ZMYM4: variants seen among roughly 807,000 people sequenced by gnomAD.
The protein encoded by ZMYM4 is zinc finger MYM-type containing 4, also known as zinc finger MYM-type protein 4.
A neutral mutation model predicts 183.2 loss-of-function variants in ZMYM4; 31 were observed. The observed-to-expected ratio is 0.17, with a 90% CI of 0.13 to 0.23. ZMYM4 has a LOEUF of 0.23. Among genes scored for constraint, ZMYM4 ranks in the 10% least tolerant of loss-of-function variants. The pLI, the probability that ZMYM4 is intolerant of heterozygous loss-of-function variation, is 1.00. For synonymous variants in ZMYM4, 592 were observed against 631.2 expected (o/e 0.94, Z 0.93); for missense variants, 1,273 against 1,840.3 (o/e 0.69, Z 5.64).
intron 2 of ZMYM4, among the ~76,000 whole-genome samples, chr1:35,341,987 C>T (rs1438350054): frequency 6.6e-6 from 1 of 152,086 alleles, no homozygotes; most frequent in Non-Finnish European, 1.5e-5. Flanking sequence ...GTTATAGCTT[C>T]ATTAAATTTT....
At chr1:35,382,447 G>A (rs561224047) in intron 9 of ZMYM4, among the ~76,000 whole-genome samples, 1 of 150,828 alleles carries the variant, frequency 6.6e-6, no homozygotes, top group East Asian at 1.9e-4. Flanking sequence ...CAAGTTTTTA[G>A]AGTGTGGCTT....
intron 1 of ZMYM4, among the ~76,000 whole-genome samples, chr1:35,291,393 G>A (rs1218665283): frequency 6.6e-6 from 1 of 151,706 alleles, no homozygotes; most frequent in Admixed American, 6.6e-5. Context: ...TTTCTTAAGT[G>A]TTTTTCAAAG....
chr1:35,315,114 G>A (rs1641987642), intron 1 of ZMYM4, among the ~76,000 whole-genome samples: 1 of 149,022 alleles, frequency 6.7e-6, no homozygotes. Flanking sequence ...TCAGTAATGG[G>A]CTCTATTCTC....
At chr1:35,370,749 T>A in intron 7 of ZMYM4, 122 bp downstream of exon 7, 1 of 991,110 alleles carries the variant, frequency 1.0e-6, no homozygotes, top group Non-Finnish European at 1.3e-6. Context: ...TTTTTTTTTT[T>A]GAGAAATACC....
chr1:35,287,218 A>AT (rs57318032), intron 1 of ZMYM4, among the ~76,000 whole-genome samples: 1,443 of 135,342 alleles, frequency 0.011, 21 homozygotes, highest in African/African-American at 0.032. Flanking sequence ...GTTTTACTTA[A>AT]TTTTTTTTTT....
intron 2 of ZMYM4, among the ~76,000 whole-genome samples, chr1:35,350,539 A>G: frequency 7.1e-6 from 1 of 141,174 alleles, no homozygotes; most frequent in African/African-American, 2.6e-5. Context: ...CGCCCACCCC[A>G]CCCTCCCAAG....
intron 13 of ZMYM4, 37 bp downstream of exon 13, chr1:35,387,641 T>TTTAAA: frequency 6.4e-7 from 1 of 1,573,664 alleles, no homozygotes; most frequent in Admixed American, 2.0e-5. Flanking sequence ...CTGAGCATGT[T>TTTAAA]GGTTGTTTTA....
intron 1 of ZMYM4, among the ~76,000 whole-genome samples, chr1:35,287,242 A>G (rs913015400): frequency 4.5e-5 from 6 of 132,924 alleles, no homozygotes; most frequent in Admixed American, 2.9e-4. Context: ...TTTACTTAGT[A>G]TTTTTTAAGA....
intron 1 of ZMYM4, chr1:35,292,475 TG>T (rs553947435): frequency 1.2e-3 from 191 of 152,964 alleles, no homozygotes; most frequent in South Asian, 6.8e-3. Context: ...GCTGGGGCTA[TG>T]GGCATATGCC....
At chr1:35,377,032 G>A (rs1245949948) in intron 7 of ZMYM4, among the ~76,000 whole-genome samples, 5 of 151,842 alleles carry the variant, frequency 3.3e-5, no homozygotes, top group East Asian at 3.9e-4. Context: ...TCAGCTTCCC[G>A]AGTAGCTGGG....
Position 35,349,948 on chromosome 1 carries a change from T to TTTG in ZMYM4, c.86-8975_86-8974insGTT, listed in dbSNP as rs1558053415. The stretch of plus-strand genomic sequence containing the variant: ...CATTTTTTAATTTATATAATTTAAT[T>TTTG]TTTGTTTTTCATTTTTTATATATAT... On this transcript the variant is annotated intron_variant, in intron 2 of 29. Transcript: ENST00000314607. Among the ~76,000 whole-genome samples, 3 of 150,504 alleles carry TTTG rather than the reference T, an allele frequency of 2.0e-5. No individual in the cohort carries two copies. In the East Asian group the frequency reaches 5.9e-4, roughly 29 times the overall value.
At chr1:35,418,666 G>T (rs548214361) in intron 29 of ZMYM4, 94 bp downstream of exon 29, 7 of 1,517,972 alleles carry the variant, frequency 4.6e-6, no homozygotes, top group Non-Finnish European at 5.4e-6. Flanking sequence ...TAGCTTGCCC[G>T]TGGCTTTAGA....
At chr1:35,380,687 T>G (rs778511070) in intron 7 of ZMYM4, among the ~76,000 whole-genome samples, 3 of 152,002 alleles carry the variant, frequency 2.0e-5, no homozygotes, top group Non-Finnish European at 2.9e-5. Context: ...ATAGAGTGAG[T>G]GGTTTGGTGG....
rs914926168 is a variant in ZMYM4 at position 35,389,480 on chromosome 1, C to T, written c.2436+398C>T. 7.9e-5 allele frequency among the ~76,000 whole-genome samples: 12 copies of T among 151,922 alleles called. No homozygotes were observed. The highest frequency in any genetic ancestry group is 1.2e-4 in the Non-Finnish European group (8 of 67,974). ...AAAAATTAGTATAAAATCAGCTGGG[C>T]GCGGTGGCTCACGCCTGTAATCCCA... On this transcript the variant is annotated intron_variant, in intron 14 of 29. Transcript: ENST00000314607. This position sits in a 1 kb window ranked among gnomAD's most constrained non-coding sequence, Gnocchi z 4.0.
chr1:35,332,843 C>T (rs1642812635), intron 2 of ZMYM4, among the ~76,000 whole-genome samples: 3 of 152,258 alleles, frequency 2.0e-5, no homozygotes, highest in African/African-American at 7.2e-5. Flanking sequence ...TATAGGCCTG[C>T]ACCTCTGCAC....
intron 1 of ZMYM4, among the ~76,000 whole-genome samples, chr1:35,269,308 T>G (rs1312152747): frequency 6.6e-6 from 1 of 151,872 alleles, no homozygotes; most frequent in African/African-American, 2.4e-5. Context: ...GGGGCCGTTG[T>G]TTGCCTTCCT....
intron 26 of ZMYM4, among the ~76,000 whole-genome samples, chr1:35,411,315 G>A (rs1337229128): frequency 2.6e-5 from 4 of 150,988 alleles, no homozygotes; most frequent in East Asian, 1.9e-4. Context: ...CACTATGCCC[G>A]GCTAATTTTT....
intron 1 of ZMYM4, among the ~76,000 whole-genome samples, chr1:35,293,166 A>G (rs753137970): frequency 1.6e-4 from 24 of 151,158 alleles, no homozygotes; most frequent in Admixed American, 4.6e-4. Flanking sequence ...ATGCTCGGCT[A>G]ATTTTTTTTT....
At chr1:35,342,585 T>C (rs1643242053) in intron 2 of ZMYM4, among the ~76,000 whole-genome samples, 1 of 152,152 alleles carries the variant, frequency 6.6e-6, no homozygotes, top group African/African-American at 2.4e-5. Flanking sequence ...CTTTCCTAAA[T>C]GTTGTTTTGT....
Sources: allele counts gnomAD v4.1 joint callset (sites outside exome capture counted in the v4.1 genomes callset), GRCh38; gene constraint gnomAD v4.1.1; non-coding constraint Gnocchi (gnomAD v3.1); transcripts MANE v1.5; gene names NCBI Gene and HGNC (gene_info 2026-07-23, HGNC 2026-07-21).